Variants in IRAG1 observed in about 807,000 individuals in gnomAD.
IRAG1 encodes inositol 1,4,5-triphosphate receptor associated 1.
Under a neutral mutation model 106.2 loss-of-function variants are expected in IRAG1, and 62 were observed. The ratio of observed to expected loss-of-function variants is 0.58; its 90% CI spans 0.48 to 0.72. The LOEUF is 0.72. Ranked by LOEUF, IRAG1 falls within the 30% of genes least tolerant of loss-of-function variation. The pLI is 0.00. For synonymous variants in IRAG1, 462 were observed against 443.9 expected (o/e 1.04, Z -0.51); for missense variants, 1,064 against 1,140.7 (o/e 0.93, Z 0.97).
At chr11:10,685,726 GAA>G (rs11403147) in intron 1 of IRAG1, among the ~76,000 whole-genome samples, 26,233 of 135,738 alleles carry the variant, frequency 0.19, 3,785 homozygotes, top group East Asian at 0.76. Flanking sequence ...TGCCTCTCTT[GAA>G]AAAAAAAAAA....
chr11:10,626,177 C>A lies in IRAG1; in HGVS notation c.1157G>T (p.Arg386Leu), dbSNP rs769449100. The change falls in exon 9 of 21, where the codon CGG becomes CTG. Residue 386 changes from arginine (R) to leucine (L), a missense_variant. By Grantham distance (102) the Arg-to-Leu change is moderately radical. Coordinates refer to ENST00000423302, the MANE Select transcript of IRAG1 (RefSeq NM_130385.4). ...GGAGAGCCCTCGCAGCAGCGGGGGC[C>A]GGGACACAGTGGGTGGAAGCTCAGC... ...SKAELPPTVS[R>L]PPLLRGLSWD... is the part of the protein sequence containing the mutation. 104 of 1,552,530 alleles carry A rather than the reference C, an allele frequency of 6.7e-5. No homozygotes were observed. Among genetic ancestry groups the A allele is most frequent in the Non-Finnish European group, 1.7e-6 (2 of 1,148,302 alleles).
chr11:10,634,817 T>A (rs1041149299), intron 2 of IRAG1, among the ~76,000 whole-genome samples: 1 of 151,938 alleles, frequency 6.6e-6, no homozygotes, highest in Non-Finnish European at 1.5e-5. Context: ...TGTGTATATA[T>A]TTTTCACATT....
intron 17 of IRAG1, chr11:10,593,232 A>G: frequency 3.6e-6 from 1 of 277,320 alleles, no homozygotes; most frequent in South Asian, 5.3e-5. Context: ...TTGTGGTGTA[A>G]GCACAAAAAG....
At chr11:10,676,154 G>A (rs544218813) in intron 1 of IRAG1, among the ~76,000 whole-genome samples, 9 of 152,342 alleles carry the variant, frequency 5.9e-5, no homozygotes, top group South Asian at 2.1e-4. Context: ...TAGTGGCTTC[G>A]CTTTGCCTCC....
intron 1 of IRAG1, among the ~76,000 whole-genome samples, chr11:10,668,597 C>G (rs1453741451): frequency 6.6e-6 from 1 of 152,226 alleles, no homozygotes; most frequent in East Asian, 1.9e-4. Flanking sequence ...ACTTATAAAG[C>G]CGAAATATGT....
rs561262668 is a variant in IRAG1, at chr11:10,632,032, T to C, written c.359A>G (p.His120Arg). ...RVHSPHKRLSHRHLKVSTASL... is the reference protein window; with the variant it reads ...RVHSPHKRLSRRHLKVSTASL... ...GGCAGTGGACACCTTCAAGTGTCGG[T>C]GAGAAAGCCTCTTGTGGGGACTGTG... Residue 120 changes from histidine to arginine, a missense_variant, in exon 4 of 21, where the codon CAC (histidine) becomes CGC (arginine). By Grantham distance (29) the His-to-Arg change is conservative (BLOSUM62 0). Transcript: ENST00000423302. 2.9e-4 allele frequency: 468 copies of C among 1,613,252 alleles called. 7 individuals carry two copies. The South Asian group carries it at 4.1e-3, about 14-fold the overall frequency.
intron 7 of IRAG1, 78 bp downstream of exon 7, chr11:10,627,895 A>G: frequency 6.4e-7 from 1 of 1,574,296 alleles, no homozygotes; most frequent in South Asian, 1.2e-5. Context: ...GTGGGTCACG[A>G]AGGGCCTCCT....
chr11:10,631,715 C>T (rs1320090757), intron 4 of IRAG1, among the ~76,000 whole-genome samples: 1 of 152,194 alleles, frequency 6.6e-6, no homozygotes, highest in Non-Finnish European at 1.5e-5. Flanking sequence ...AGGACTCTGC[C>T]CCCTAAACCC....
intron 2 of IRAG1, among the ~76,000 whole-genome samples, chr11:10,636,147 G>A (rs1288224301): frequency 1.3e-5 from 2 of 152,204 alleles, no homozygotes; most frequent in Non-Finnish European, 2.9e-5. Flanking sequence ...CAAGGTTAGT[G>A]TGAAGATTAA....
At chr11:10,612,843 T>A (rs1010601361) in intron 10 of IRAG1, among the ~76,000 whole-genome samples, 10 of 151,870 alleles carry the variant, frequency 6.6e-5, no homozygotes, top group African/African-American at 2.4e-4. Context: ...GATGAGAAGA[T>A]CATGCAAAGA....
chr11:10,656,339 C>T (rs1479676724), intron 1 of IRAG1, among the ~76,000 whole-genome samples: 4 of 152,178 alleles, frequency 2.6e-5, no homozygotes, highest in Admixed American at 6.5e-5. Flanking sequence ...CCAGCTAGTG[C>T]CTAACTAGAA....
chr11:10,621,861 G>A (rs1264330869), intron 10 of IRAG1, among the ~76,000 whole-genome samples: 1 of 152,190 alleles, frequency 6.6e-6, no homozygotes, highest in African/African-American at 2.4e-5. Flanking sequence ...CAAAAGGACA[G>A]ATACTGTATG....
chr11:10,598,893 C>T (rs1853627370), intron 15 of IRAG1, among the ~76,000 whole-genome samples: 1 of 152,126 alleles, frequency 6.6e-6, no homozygotes, highest in African/African-American at 2.4e-5. Flanking sequence ...TTACTGCAGT[C>T]TTCAAAACCC....
intron 18 of IRAG1, among the ~76,000 whole-genome samples, chr11:10,582,600 G>C (rs1851506461): frequency 6.6e-6 from 1 of 152,184 alleles, no homozygotes; most frequent in African/African-American, 2.4e-5. Flanking sequence ...GTTAGAAAAG[G>C]CCTCTCTGAG....
intron 1 of IRAG1, among the ~76,000 whole-genome samples, chr11:10,679,194 A>AC (rs374928258): frequency 6.6e-6 from 1 of 152,204 alleles, no homozygotes; most frequent in African/African-American, 2.4e-5. Context: ...GATAACAATA[A>AC]CAACATTCTC....
At chr11:10,629,344 C>A (rs1856514645) in intron 5 of IRAG1, among the ~76,000 whole-genome samples, 194 bp downstream of exon 5, 1 of 152,146 alleles carries the variant, frequency 6.6e-6, no homozygotes, top group South Asian at 2.1e-4. Flanking sequence ...CCCAGAGGGC[C>A]TAGGATCCTT....
chr11:10,670,388 C>T (rs190906605), intron 1 of IRAG1, among the ~76,000 whole-genome samples: 139 of 152,272 alleles, frequency 9.1e-4, no homozygotes, highest in Non-Finnish European at 1.1e-3. Flanking sequence ...TTAACTAAAA[C>T]GAGTTCTAGG....
At chr11:10,610,508 A>G (rs1183266115) in intron 10 of IRAG1, among the ~76,000 whole-genome samples, 4 of 152,138 alleles carry the variant, frequency 2.6e-5, no homozygotes, top group Non-Finnish European at 5.9e-5. Flanking sequence ...TTTTCCATAA[A>G]TCTTTCTCCT....
chr11:10,641,867 G>A (rs182727018), intron 2 of IRAG1, among the ~76,000 whole-genome samples: 1 of 152,268 alleles, frequency 6.6e-6, no homozygotes, highest in East Asian at 1.9e-4. Flanking sequence ...TGTGCCGCTT[G>A]TAAATAGGGG....
Sources: gnomAD v4.1 joint callset for allele counts (sites outside exome capture counted in the v4.1 genomes callset) on GRCh38, gnomAD v4.1.1 for gene constraint, MANE v1.5 for transcripts, NCBI Gene and HGNC (gene_info 2026-07-23, HGNC 2026-07-21) for gene names.